The following ZNF721 variants were observed in gnomAD, a reference collection of about 807,000 sequenced individuals.
ZNF721 encodes zinc finger protein 721.
Under a neutral mutation model 2.4 loss-of-function variants are expected in ZNF721, and 2 were observed. The ratio of observed to expected loss-of-function variants is 0.82; its 90% confidence interval spans 0.34 to 2.58. ZNF721 has a LOEUF of 2.58. Ranked by LOEUF, ZNF721 falls within the 30% of genes most tolerant of loss-of-function variation. ZNF721 has a pLI of 0.11. For synonymous variants in ZNF721, 398 were observed against 381.8 expected (o/e 1.04, Z -0.50); for missense variants, 1,187 against 1,085.5 (o/e 1.09, Z -1.31).
At chr4:465,079 C>T (rs1223231539) in intron 2 of ZNF721, among the ~76,000 whole-genome samples, 1 of 132,520 alleles carries the variant, frequency 7.5e-6, no homozygotes, top group Non-Finnish European at 1.6e-5. Flanking sequence ...AGCAAGATTC[C>T]ATTAAAAAAA....
rs568083532 is a variant in ZNF721, at chr4:460,299, A to T, written c.34+12276T>A. 1.1e-4 allele frequency among the ~76,000 whole-genome samples: 17 copies of T among 152,352 alleles called. 1 individual carries two copies. The highest frequency in any genetic ancestry group is 3.8e-4 in the African/African-American group (16 of 41,586). On this transcript the variant is annotated intron_variant, in intron 2 of 2. Coordinates refer to ENST00000511833, the MANE Select transcript of ZNF721 (RefSeq NM_133474.4). ...GGATTAAGAAACTCAAAACTGCACA[A>T]CTACATGGAAACTGAACAACTTGCT...
At chr4:446,221 T>C (rs1405884502) in intron 2 of ZNF721, among the ~76,000 whole-genome samples, 1 of 152,142 alleles carries the variant, frequency 6.6e-6, no homozygotes, top group African/African-American at 2.4e-5. Flanking sequence ...ACCACTATCC[T>C]AATAGTGCGG....
intron 1 of ZNF721, among the ~76,000 whole-genome samples, chr4:484,904 C>G (rs1365402069): frequency 2.6e-5 from 4 of 152,200 alleles, no homozygotes; most frequent in South Asian, 2.1e-4. Context: ...TTTTGAAAAT[C>G]TCGAATAAAA....
intron 2 of ZNF721, among the ~76,000 whole-genome samples, chr4:472,109 CAGG>C (rs1343357866): frequency 6.6e-6 from 1 of 152,176 alleles, no homozygotes; most frequent in East Asian, 1.9e-4. Flanking sequence ...GTCTCCCAGA[CAGG>C]AGTTCAATGG....
At chr4:458,509 C>G (rs1714913477) in intron 2 of ZNF721, among the ~76,000 whole-genome samples, 1 of 152,148 alleles carries the variant, frequency 6.6e-6, no homozygotes, top group Non-Finnish European at 1.5e-5. Context: ...AAACATAACA[C>G]CACTAAAGGA....
chr4:467,120 C>T (rs1410771816), intron 2 of ZNF721, among the ~76,000 whole-genome samples: 3 of 151,788 alleles, frequency 2.0e-5, no homozygotes, highest in Admixed American at 6.6e-5. Flanking sequence ...TGGAGGCTGA[C>T]GCAGGAGAAT....
At chr4:493,425 T>A (rs563906591) in intron 1 of ZNF721, among the ~76,000 whole-genome samples, 128 of 152,316 alleles carry the variant, frequency 8.4e-4, no homozygotes, top group African/African-American at 2.9e-3. Flanking sequence ...ATGCCTATAA[T>A]CCCAGAGCTT....
chr4:449,826 G>C (rs1441822505), intron 2 of ZNF721, among the ~76,000 whole-genome samples: 1 of 152,088 alleles, frequency 6.6e-6, no homozygotes, highest in Non-Finnish European at 1.5e-5. Flanking sequence ...CTAATTGTCA[G>C]AGAAATGCAA....
intron 2 of ZNF721, among the ~76,000 whole-genome samples, chr4:460,967 C>G (rs1178129022): frequency 6.6e-6 from 1 of 152,088 alleles, no homozygotes; most frequent in Admixed American, 6.6e-5. Flanking sequence ...AGCCTACCAA[C>G]CAAAAAAAGC....
chr4:463,108 C>G (rs1715120733), intron 2 of ZNF721, among the ~76,000 whole-genome samples: 1 of 152,164 alleles, frequency 6.6e-6, no homozygotes, highest in South Asian at 2.1e-4. Context: ...TATGAACAGA[C>G]AGTTCTCAAA....
intron 1 of ZNF721, among the ~76,000 whole-genome samples, chr4:486,769 A>G (rs12386462): frequency 0.011 from 1,636 of 152,368 alleles, 25 homozygotes; most frequent in African/African-American, 0.037. Flanking sequence ...TAAATTAAAA[A>G]TGTAATGTTG....
intron 1 of ZNF721, among the ~76,000 whole-genome samples, chr4:474,851 G>A (rs1021566938): frequency 6.6e-6 from 1 of 152,082 alleles, no homozygotes; most frequent in Non-Finnish European, 1.5e-5. Flanking sequence ...ACTCCAGCCT[G>A]GGCGACAGAG....
intron 2 of ZNF721, among the ~76,000 whole-genome samples, chr4:450,988 T>C (rs1316729340): frequency 2.6e-5 from 2 of 76,958 alleles, no homozygotes; most frequent in Admixed American, 3.0e-4. Flanking sequence ...TATATATATA[T>C]ATATATATCC....
At chr4:474,122 C>A (rs1715558765) in intron 1 of ZNF721, 3 of 1,092,578 alleles carry the variant, frequency 2.7e-6, no homozygotes, top group Non-Finnish European at 1.3e-6. Context: ...GAGGCCCTAA[C>A]CGAGCTCAGG....
chr4:443,388 G>A lies in ZNF721; in HGVS notation c.1079C>T (p.Pro360Leu), dbSNP rs1411680746. 1.2e-6 allele frequency: 2 copies of A among 1,613,954 alleles called. No homozygotes were observed. The highest frequency in any genetic ancestry group is 1.7e-6 in the Non-Finnish European group (2 of 1,179,994). The change falls in exon 3 of 3, where the codon CCT becomes CTT. Residue 360 changes from proline (P) to leucine (L), a missense_variant. Pro to Leu is a moderately conservative substitution (Grantham distance 98, BLOSUM62 -3). Coordinates refer to ENST00000511833, the MANE Select transcript of ZNF721 (RefSeq NM_133474.4). ...TTTGCCACAGTCTTCGCATTTGTAAGGTTTCTCTCCAGTATGAATTCTCCT... is the reference window on the plus strand; with the variant it reads ...TTTGCCACAGTCTTCGCATTTGTAAAGTTTCTCTCCAGTATGAATTCTCCT... ...VHRRIHTGEK[P>L]YKCEDCGKAF...
rs1560254942 is a variant in ZNF721 at position 499,094 on chromosome 4, G to T, written c.-132C>A. On this transcript the variant is annotated 5_prime_UTR_variant, in exon 1 of 3. Coordinates refer to ENST00000511833, the MANE Select transcript of ZNF721 (RefSeq NM_133474.4). The stretch of plus-strand genomic sequence containing the variant: ...GCGACCGTCGCGGACTCGCCGGGAA[G>T]ACGGCCCCACGGAGCCGGGAACACC... 9.2e-6 allele frequency: 5 copies of T among 541,038 alleles called. No individual in the cohort carries two copies. Among genetic ancestry groups the T allele is most frequent in the Non-Finnish European group, 1.6e-5 (5 of 311,522 alleles). 33.5% of individuals were successfully genotyped at this position (541,038 alleles called of 1,614,324 possible). A position where few individuals can be genotyped will look rare whatever the true frequency, so the allele number is the denominator to read the frequency against.
At chr4:476,057 CT>C (rs1715616728) in intron 1 of ZNF721, among the ~76,000 whole-genome samples, 5 of 152,146 alleles carry the variant, frequency 3.3e-5, no homozygotes, top group Admixed American at 3.3e-4. Flanking sequence ...TCTCTGGGCC[CT>C]TTAAATATTT....
chr4:483,393 C>G (rs1369836684), intron 1 of ZNF721, among the ~76,000 whole-genome samples: 1 of 151,488 alleles, frequency 6.6e-6, no homozygotes, highest in Non-Finnish European at 1.5e-5. Context: ...ACTAAAAATA[C>G]AAAAAAAATT....
At chr4:477,166 C>A (rs1715644794) in intron 1 of ZNF721, among the ~76,000 whole-genome samples, 1 of 152,028 alleles carries the variant, frequency 6.6e-6, no homozygotes, top group Non-Finnish European at 1.5e-5. Flanking sequence ...TCCACATTTC[C>A]TCTGACACTG....
Sources: gnomAD v4.1 joint callset for allele counts (sites outside exome capture counted in the v4.1 genomes callset) on GRCh38, gnomAD v4.1.1 for gene constraint, MANE v1.5 for transcripts, NCBI Gene and HGNC (gene_info 2026-07-23, HGNC 2026-07-21) for gene names.